CACNB2: variants seen among roughly 807,000 people sequenced by gnomAD.
The protein encoded by CACNB2 is calcium voltage-gated channel auxiliary subunit beta 2.
A neutral mutation model predicts 73.3 loss-of-function variants in CACNB2; 42 were observed. The observed-to-expected ratio is 0.57, with a 90% confidence interval of 0.45 to 0.74. CACNB2 has a LOEUF of 0.74. CACNB2 is among the 30% of genes least tolerant of loss of function. The probability of loss-of-function intolerance (pLI) is 0.00; values close to 1 mark genes in which losing one functional copy is unlikely to be tolerated. For synonymous variants in CACNB2, 348 were observed against 310.3 expected, an observed-to-expected ratio of 1.12 and a Z score of -1.28; for missense variants, 940 against 853.0, an observed-to-expected ratio of 1.10 and a Z score of -1.27.
At chr10:18,504,925 G>A (rs185692464) in intron 5 of CACNB2, among the ~76,000 whole-genome samples, 71 of 152,256 alleles carry the variant, frequency 4.7e-4, no homozygotes, top group Non-Finnish European at 4.1e-4. Context: ...GATTACAGGC[G>A]TGAGCCACCG....
At chr10:18,441,044 G>C (rs1172728822) in intron 3 of CACNB2, among the ~76,000 whole-genome samples, 3 of 152,236 alleles carry the variant, frequency 2.0e-5, no homozygotes, top group African/African-American at 4.8e-5. Context: ...AACCAGTGTG[G>C]AAGCGGGAAA....
At chr10:18,524,921 T>C (rs184562216) in intron 9 of CACNB2, among the ~76,000 whole-genome samples, 51 of 150,398 alleles carry the variant, frequency 3.4e-4, no homozygotes, top group African/African-American at 1.2e-3. Context: ...TCCCAGCTAC[T>C]TGGGAGGCTG....
chr10:18,503,370 G>A (rs964947509), intron 5 of CACNB2, among the ~76,000 whole-genome samples: 2 of 152,204 alleles, frequency 1.3e-5, no homozygotes, highest in Non-Finnish European at 2.9e-5. Context: ...GCCAAAGCAG[G>A]TGGATCGCTT....
chr10:18,321,696 G>C (rs758140285), intron 2 of CACNB2, among the ~76,000 whole-genome samples: 9 of 152,064 alleles, frequency 5.9e-5, no homozygotes, highest in Non-Finnish European at 7.4e-5. Context: ...TTTTAAAGGA[G>C]AGAAGGCAGT....
chr10:18,428,406 G>A (rs562008978), intron 3 of CACNB2, among the ~76,000 whole-genome samples: 25 of 152,106 alleles, frequency 1.6e-4, no homozygotes, highest in African/African-American at 6.0e-4. Flanking sequence ...TTACTTTCTG[G>A]CCAGGCATGG....
At chr10:18,173,219 C>T (rs1440551702) in intron 2 of CACNB2, among the ~76,000 whole-genome samples, 3 of 152,138 alleles carry the variant, frequency 2.0e-5, no homozygotes, top group Non-Finnish European at 4.4e-5. Flanking sequence ...TGCACCTGGC[C>T]ATAAGGCCTA....
At chr10:18,460,858 C>G (rs1032489572) in intron 3 of CACNB2, among the ~76,000 whole-genome samples, 1 of 150,248 alleles carries the variant, frequency 6.7e-6, no homozygotes, top group Non-Finnish European at 1.5e-5. Context: ...CCACTGCACT[C>G]CAGCCTGGGT....
intron 9 of CACNB2, among the ~76,000 whole-genome samples, chr10:18,522,722 A>G (rs1564649066): frequency 6.6e-6 from 1 of 151,934 alleles, no homozygotes; most frequent in Non-Finnish European, 1.5e-5. Context: ...TACTAAAGAT[A>G]AGAAAATTAG....
chr10:18,240,895 G>A (rs567352657), intron 2 of CACNB2, among the ~76,000 whole-genome samples: 18 of 152,090 alleles, frequency 1.2e-4, no homozygotes, highest in Admixed American at 7.9e-4. Flanking sequence ...TGTTTCCCAC[G>A]TGGCACTTAC....
intron 3 of CACNB2, among the ~76,000 whole-genome samples, chr10:18,409,174 C>G (rs1390884051): frequency 6.6e-6 from 1 of 152,116 alleles, no homozygotes; most frequent in Non-Finnish European, 1.5e-5. Context: ...TGTTGTGCAT[C>G]TGTAAGCCCA....
intron 2 of CACNB2, among the ~76,000 whole-genome samples, chr10:18,358,495 A>ACTCTCT: frequency 9.6e-6 from 1 of 104,302 alleles, no homozygotes; most frequent in East Asian, 4.5e-4. Flanking sequence ...TCTAATGAGC[A>ACTCTCT]CGCTCTCTCT....
At position 18,498,413 on chromosome 10, in the gene CACNB2, A is replaced by G. The variant is rs2133011061; in HGVS notation, c.392A>G (p.Asp131Gly). 6.2e-7 allele frequency: 1 copy of G among 1,614,164 alleles called. No individual in the cohort carries two copies. Reference protein sequence around the residue: ...TNVSYSAAHEDDVPVPGMAIS... With the variant: ...TNVSYSAAHEGDVPVPGMAIS... ...GTCAGCTACAGTGCGGCCCATGAAGATGATGTTCCAGTGCCTGGCATGGCC... is the reference window on the plus strand; with the variant it reads ...GTCAGCTACAGTGCGGCCCATGAAGGTGATGTTCCAGTGCCTGGCATGGCC... The change falls in exon 4 of 14, where the codon GAT becomes GGT. Residue 131 changes from aspartate to glycine, a missense_variant. Asp to Gly is a moderately conservative substitution (Grantham distance 94, BLOSUM62 -1). Transcript: ENST00000324631.
At position 18,435,521 on chromosome 10, in the gene CACNB2, T is replaced by C. The variant is rs555241803; in HGVS notation, c.333+33478T>C. 1.2e-4 allele frequency among the ~76,000 whole-genome samples: 19 copies of C among 152,202 alleles called. No individual in the cohort carries two copies. The East Asian group carries it at 3.3e-3, about 26-fold the overall frequency. ...TTTCCCCTGCATACCTTTTTTGATATAGGGTCTCATTCTGTCACCCAGGCT... is the reference window on the plus strand; with the variant it reads ...TTTCCCCTGCATACCTTTTTTGATACAGGGTCTCATTCTGTCACCCAGGCT... On this transcript the variant is annotated intron_variant, in intron 3 of 13. Transcript: ENST00000324631.
At position 18,480,003 on chromosome 10, in the gene CACNB2, G is replaced by A. The variant is rs569579462; in HGVS notation, c.334-18352G>A. Among the ~76,000 whole-genome samples, 14 of 152,262 alleles carry A rather than the reference G, an allele frequency of 9.2e-5. No homozygotes were observed. The South Asian group carries it at 2.5e-3, about 27-fold the overall frequency. On this transcript the variant is annotated intron_variant, in intron 3 of 13. Transcript: ENST00000324631. Reference sequence around the variant, plus strand: ...CTGTATTCATTCAGCTTGGCTTTGAGTGACTCTGGGCTGTTTGCTAAAACT... The same window carrying A: ...CTGTATTCATTCAGCTTGGCTTTGAATGACTCTGGGCTGTTTGCTAAAACT...
At chr10:18,187,524 GA>G (rs1387190305) in intron 2 of CACNB2, among the ~76,000 whole-genome samples, 1 of 152,060 alleles carries the variant, frequency 6.6e-6, no homozygotes, top group Non-Finnish European at 1.5e-5. Context: ...GTAAGAAAAA[GA>G]AAGGATTCTT....
intron 2 of CACNB2, among the ~76,000 whole-genome samples, chr10:18,275,032 T>A (rs1309006336): frequency 1.3e-5 from 2 of 152,218 alleles, no homozygotes; most frequent in African/African-American, 4.8e-5. Context: ...AGATGAAAGC[T>A]GGCTTTTTCT....
intron 9 of CACNB2, among the ~76,000 whole-genome samples, chr10:18,520,817 C>G (rs1044702845): frequency 1.3e-5 from 2 of 152,232 alleles, no homozygotes; most frequent in African/African-American, 4.8e-5. Context: ...ACTTTTCCCT[C>G]AGATATTCTC....
chr10:18,390,459 A>G (rs1346465643), intron 2 of CACNB2, among the ~76,000 whole-genome samples: 1 of 152,078 alleles, frequency 6.6e-6, no homozygotes, highest in Admixed American at 6.6e-5. Flanking sequence ...TGATCTGCCC[A>G]CCTTGGCCTC....
At chr10:18,452,946 G>C (rs2047084496) in intron 3 of CACNB2, among the ~76,000 whole-genome samples, 1 of 152,064 alleles carries the variant, frequency 6.6e-6, no homozygotes, top group Non-Finnish European at 1.5e-5. Context: ...CCAGAGTCAG[G>C]GATAAAACCA....
Sources: allele counts gnomAD v4.1 joint callset (sites outside exome capture counted in the v4.1 genomes callset), GRCh38; gene constraint gnomAD v4.1.1; transcripts MANE v1.5; gene names NCBI Gene and HGNC (gene_info 2026-07-23, HGNC 2026-07-21).